Variants in EPHB1 observed in about 807,000 individuals in gnomAD.
The protein encoded by EPHB1 is ephrin type-B receptor 1.
A neutral mutation model predicts 94.4 loss-of-function variants in EPHB1; 30 were observed. The observed-to-expected ratio is 0.32, with a 90% CI of 0.24 to 0.43. The LOEUF is 0.43. EPHB1 is among the 20% of genes least tolerant of loss of function. The probability of loss-of-function intolerance (pLI) is 1.00; values close to 1 mark genes in which losing one functional copy is unlikely to be tolerated. For missense variants in EPHB1, 1,055 were observed against 1,308.3 expected, an observed-to-expected ratio of 0.81 and a Z score of 2.99; for synonymous variants, 522 against 489.1, an observed-to-expected ratio of 1.07 and a Z score of -0.89.
intron 1 of EPHB1, among the ~76,000 whole-genome samples, chr3:134,910,309 G>A (rs1263317228): frequency 6.6e-6 from 1 of 152,150 alleles, no homozygotes; most frequent in Non-Finnish European, 1.5e-5. Flanking sequence ...GGACTCTAAG[G>A]TCATCATGCC....
chr3:135,201,378 G>A (rs1942750637), intron 11 of EPHB1, 96 bp from the exon 12 acceptor site: 1 of 1,279,308 alleles, frequency 7.8e-7, no homozygotes, highest in Non-Finnish European at 1.1e-6. Flanking sequence ...GCCTGGAGCA[G>A]ACAGAAGCTG....
intron 1 of EPHB1, among the ~76,000 whole-genome samples, chr3:134,905,938 G>T (rs1452751905): frequency 1.3e-5 from 2 of 152,142 alleles, no homozygotes; most frequent in Non-Finnish European, 2.9e-5. Context: ...TTGCAGTATT[G>T]AATTTTCTCT....
At chr3:135,012,361 C>G (rs1287948789) in intron 3 of EPHB1, among the ~76,000 whole-genome samples, 1 of 152,188 alleles carries the variant, frequency 6.6e-6, no homozygotes, top group African/African-American at 2.4e-5. Flanking sequence ...AGGCTGACTT[C>G]CTGGAATAGC....
intron 12 of EPHB1, among the ~76,000 whole-genome samples, chr3:135,230,127 G>A (rs540085068): frequency 9.2e-5 from 14 of 152,312 alleles, no homozygotes; most frequent in African/African-American, 3.4e-4. Flanking sequence ...GCCATTGTCA[G>A]AGAAGCAATG....
chr3:134,932,471 T>C (rs529002159), intron 2 of EPHB1, among the ~76,000 whole-genome samples: 3 of 152,326 alleles, frequency 2.0e-5, no homozygotes, highest in Admixed American at 6.5e-5. Context: ...TCTGGTCTGA[T>C]GGGTAAGACC....
intron 8 of EPHB1, among the ~76,000 whole-genome samples, 180 bp downstream of exon 8, chr3:135,166,256 A>C (rs2107699791): frequency 6.6e-6 from 1 of 152,340 alleles, no homozygotes; most frequent in African/African-American, 2.4e-5. Flanking sequence ...AAAAATTCAT[A>C]TGAGAGCTGG....
Position 134,866,964 on chromosome 3 carries a change from TACATGGGCCA to T in EPHB1, c.59-58849_59-58840del, listed in dbSNP as rs76807347. On this transcript the variant is annotated intron_variant, in intron 1 of 15. Coordinates refer to ENST00000398015, the MANE Select transcript of EPHB1 (RefSeq NM_004441.5). The stretch of plus-strand genomic sequence containing the variant: ...GCCTTTGTTAAGTAGGAATCTGAGC[TACATGGGCCA>T]ACCTCTGGTCATTGAACACATTGAG... 9.5e-4 allele frequency among the ~76,000 whole-genome samples: 144 copies of T among 152,272 alleles called. 1 individual carries two copies. The Middle Eastern group carries it at 0.017, about 18-fold the overall frequency.
intron 3 of EPHB1, among the ~76,000 whole-genome samples, chr3:135,091,739 T>C (rs1003546557): frequency 4.6e-5 from 7 of 152,168 alleles, no homozygotes; most frequent in African/African-American, 1.4e-4. Context: ...TAAACACAGT[T>C]GCTTGTGTGT....
intron 3 of EPHB1, among the ~76,000 whole-genome samples, chr3:135,096,867 G>C (rs888073657): frequency 1.3e-5 from 2 of 152,178 alleles, no homozygotes; most frequent in Admixed American, 6.5e-5. Context: ...GGAGGCCAAG[G>C]GGGGCGGATC....
rs553714461 is a variant in EPHB1, at chr3:135,236,075, AG to A, written c.2347-5072del. On this transcript the variant is annotated intron_variant, in intron 12 of 15. Coordinates refer to ENST00000398015, the MANE Select transcript of EPHB1 (RefSeq NM_004441.5). ...TAGTTTCTCATGGCTTCTATAACAA[AG>A]TATCACAAACTAAACAGCTTTAAAC... Among the ~76,000 whole-genome samples, 150 of 152,336 alleles carry A rather than the reference AG, an allele frequency of 9.8e-4. 1 individual carries two copies. The highest frequency in any genetic ancestry group is 3.4e-3 in the African/African-American group (143 of 41,570).
At chr3:134,832,132 C>T (rs991524104) in intron 1 of EPHB1, among the ~76,000 whole-genome samples, 8 of 152,102 alleles carry the variant, frequency 5.3e-5, no homozygotes, top group African/African-American at 9.7e-5. Context: ...ATATTGCATG[C>T]GGTATTTGAG....
Position 134,795,513 on chromosome 3 carries a change from G to T in EPHB1, c.-119G>T, listed in dbSNP as rs1578089583. 3 of 970,828 alleles carry T rather than the reference G, an allele frequency of 3.1e-6. No individual in the cohort carries two copies. Among genetic ancestry groups the T allele is most frequent in the East Asian group, 2.7e-5 (1 of 37,560 alleles). 60.1% of individuals were successfully genotyped at this position (970,828 alleles called of 1,614,324 possible). A position where few individuals can be genotyped will look rare whatever the true frequency, so the allele number is the denominator to read the frequency against. On this transcript the variant is annotated 5_prime_UTR_variant, in exon 1 of 16. Coordinates refer to ENST00000398015, the MANE Select transcript of EPHB1 (RefSeq NM_004441.5). ...GCGCTCCGGGAAGTCCGGTCCGGGC[G>T]AGAGCGCGAAAGGATACCGAGAAGC...
At chr3:135,176,445 C>G (rs1049718690) in intron 9 of EPHB1, among the ~76,000 whole-genome samples, 22 of 152,200 alleles carry the variant, frequency 1.4e-4, no homozygotes, top group Admixed American at 1.0e-3. Context: ...CTCCAGGCAG[C>G]CTTCTTGGCT....
Position 134,938,541 on chromosome 3 carries a change from C to T in EPHB1, c.123+12661C>T, listed in dbSNP as rs184755523. ...TCAGCTGCCTGCACTTACACACACA[C>T]GCCCAAGCACGCATATATCAATGAT... On this transcript the variant is annotated intron_variant, in intron 2 of 15. Coordinates refer to ENST00000398015, the MANE Select transcript of EPHB1 (RefSeq NM_004441.5). Among the ~76,000 whole-genome samples the T allele has an allele frequency of 9.2e-5, 14 of 152,276 alleles. No individual in the cohort carries two copies. In the East Asian group the frequency reaches 9.7e-4, roughly 10 times the overall value.
intron 3 of EPHB1, among the ~76,000 whole-genome samples, chr3:135,039,433 T>G (rs1021788209): frequency 2.6e-5 from 4 of 152,342 alleles, no homozygotes; most frequent in African/African-American, 9.6e-5. Context: ...CTCGCATTCC[T>G]CATCCCTTGG....
chr3:134,825,252 C>T (rs376696445), intron 1 of EPHB1, among the ~76,000 whole-genome samples: 35 of 152,302 alleles, frequency 2.3e-4, no homozygotes, highest in African/African-American at 8.4e-4. Flanking sequence ...GGAGATGTTA[C>T]GATCATCTGT....
chr3:135,095,490 A>G (rs1268028331), intron 3 of EPHB1, among the ~76,000 whole-genome samples: 1 of 152,102 alleles, frequency 6.6e-6, no homozygotes, highest in East Asian at 1.9e-4. Context: ...CCACTCCTCC[A>G]GTCCATTCAT....
At chr3:135,092,464 C>T (rs1005242004) in intron 3 of EPHB1, among the ~76,000 whole-genome samples, 3 of 152,130 alleles carry the variant, frequency 2.0e-5, no homozygotes, top group African/African-American at 7.2e-5. Flanking sequence ...TCCCCGCTGC[C>T]CTCTAGCATG....
intron 5 of EPHB1, among the ~76,000 whole-genome samples, chr3:135,139,663 A>G (rs1278217593): frequency 6.6e-6 from 1 of 152,180 alleles, no homozygotes; most frequent in Admixed American, 6.5e-5. Flanking sequence ...CAGGTGACTG[A>G]TTGGGAAGTG....
Sources: gnomAD v4.1 joint callset for allele counts (sites outside exome capture counted in the v4.1 genomes callset) on GRCh38, gnomAD v4.1.1 for gene constraint, MANE v1.5 for transcripts, NCBI Gene and HGNC (gene_info 2026-07-23, HGNC 2026-07-21) for gene names.